The following MYCL variants were observed in gnomAD, a reference collection of about 807,000 sequenced individuals.
MYCL encodes the protein protein L-Myc.
MYCL carries 11 observed loss-of-function variants against 31.0 expected under a neutral mutation model. That is an observed-to-expected ratio of 0.35 (90% CI 0.22 to 0.59). MYCL has a LOEUF of 0.59. Ranked by LOEUF, MYCL falls within the 20% of genes least tolerant of loss-of-function variation. MYCL has a pLI of 0.79. For missense variants in MYCL, 427 were observed against 486.1 expected, an observed-to-expected ratio of 0.88 and a Z score of 1.14; for synonymous variants, 208 against 202.4, an observed-to-expected ratio of 1.03 and a Z score of -0.23.
Position 39,897,235 on chromosome 1 carries a change from C to A in MYCL, c.*137G>T. On this transcript the variant is annotated 3_prime_UTR_variant, in exon 2 of 2. Transcript: ENST00000372816. This position sits in a 1 kb window ranked among gnomAD's most constrained non-coding sequence, Gnocchi z 4.3. ...ATGCAAGCCTTTATTGTGTGTGCAC[C>A]GGCTGCAATGCATTCTGGGATCTAC... 1.3e-6 allele frequency: 1 copy of A among 767,688 alleles called. No individual in the cohort carries two copies. The highest frequency in any genetic ancestry group is 2.1e-6 in the Non-Finnish European group (1 of 466,196). The allele number at this position is 767,688 out of a possible 1,614,324, so 47.6% of individuals were successfully genotyped here. A position where few individuals can be genotyped will look rare whatever the true frequency, so the allele number is the denominator to read the frequency against.
At position 39,897,900 on chromosome 1, in the gene MYCL, G is replaced by C; in HGVS notation, c.567C>G (p.Ile189Met). ...GATCCAGGGGGTCTGCTCGCACCGT[G>C]ATGGTGACCGGCTTCCGAATACCCA... is the stretch of plus-strand genomic sequence containing the variant. ...QSLGIRKPVTITVRADPLDPC... is the reference protein window; with the variant it reads ...QSLGIRKPVTMTVRADPLDPC... The change falls in exon 2 of 2, where the codon ATC becomes ATG. Residue 189 changes from isoleucine (I) to methionine (M), a missense_variant. Physicochemically the swap from Ile to Met is conservative, Grantham distance 10 (BLOSUM62 1). Transcript: ENST00000372816. This position sits in a 1 kb window ranked among gnomAD's most constrained non-coding sequence, Gnocchi z 4.3. 1.2e-6 allele frequency: 2 copies of C among 1,614,170 alleles called. No homozygotes were observed. The highest frequency in any genetic ancestry group is 1.7e-6 in the Non-Finnish European group (2 of 1,180,046).
rs1320227002 is a variant in MYCL at position 39,900,361 on chromosome 1, C to T, written c.496+578G>A. ...GTCTATCTCTAAGCCTCAGTTTTTC[C>T]ATCTGTTAATGGGGAGTGTTCATTC... On this transcript the variant is annotated intron_variant, in intron 1 of 1. Coordinates refer to ENST00000372816, the MANE Select transcript of MYCL (RefSeq NM_001033081.3). 4 of 985,822 alleles carry T rather than the reference C, an allele frequency of 4.1e-6. No homozygotes were observed. The African/African-American group carries it at 7.0e-5, about 17-fold the overall frequency. The allele number at this position is 985,822 out of a possible 1,614,324, so 61.1% of individuals were successfully genotyped here.
intron 1 of MYCL, chr1:39,900,626 C>A (rs1034414514): frequency 7.9e-7 from 1 of 1,267,782 alleles, no homozygotes. Context: ...CTTAAGGTAC[C>A]CCCTTCAATC....
Position 39,901,844 on chromosome 1 carries a change from TC to T in MYCL, c.-411del. 2.4e-6 allele frequency: 3 copies of T among 1,257,668 alleles called. No individual in the cohort carries two copies. The highest frequency in any genetic ancestry group is 1.6e-5 in the African/African-American group (1 of 62,456). The allele number at this position is 1,257,668 out of a possible 1,614,324, so 77.9% of individuals were successfully genotyped here. A position where few individuals can be genotyped will look rare whatever the true frequency, so the allele number is the denominator to read the frequency against. ...CGCCCGCCACCTGGAGCGGACCGGCTCCCCGCCGGCTCGGGGCAGCCCGGCA... is the reference window on the plus strand; with the variant it reads ...CGCCCGCCACCTGGAGCGGACCGGCTCCCGCCGGCTCGGGGCAGCCCGGCA... On this transcript the variant is annotated 5_prime_UTR_variant, in exon 1 of 2. It introduces an in-frame stop codon into an upstream open reading frame of the 5' UTR. Transcript: ENST00000372816. This position sits in a 1 kb window ranked among gnomAD's most constrained non-coding sequence, Gnocchi z 6.9.
chr1:39,901,193 C>A lies in MYCL; in HGVS notation c.242G>T (p.Gly81Val), dbSNP rs1644534904. ...DEAESRGHSK[G>V]WGRNYASIIR... is the part of the protein sequence containing the mutation. ...GATGGAGGCGTAGTTCCTGCCCCAG[C>A]CTTTCGAGTGGCCCCGGGATTCCGC... Residue 81 changes from glycine (G) to valine (V), a missense_variant, in exon 1 of 2, where the codon GGC becomes GTC. Transcript: ENST00000372816. This position sits in a 1 kb window ranked among gnomAD's most constrained non-coding sequence, Gnocchi z 6.9. 1 of 1,613,148 alleles carries A rather than the reference C, an allele frequency of 6.2e-7. No homozygotes were observed. The highest frequency in any genetic ancestry group is 2.2e-5 in the East Asian group (1 of 44,850).
In MYCL at chr1:39,897,680, C is replaced by G. The variant is rs1295697459; in HGVS notation, c.787G>C (p.Glu263Gln). ...EIVSPPPVESEAAQSCHPKPV... is the reference protein window; with the variant it reads ...EIVSPPPVESQAAQSCHPKPV... ...TTGGGGTGGCAGGACTGGGCAGCCT[C>G]ACTTTCTACAGGTGGGGGACTCACA... Residue 263 changes from glutamate to glutamine, a missense_variant, in exon 2 of 2, where the codon GAG becomes CAG. Physicochemically the swap from Glu to Gln is conservative, Grantham distance 29 (BLOSUM62 2). Coordinates refer to ENST00000372816, the MANE Select transcript of MYCL (RefSeq NM_001033081.3). The surrounding 1 kb of genome is among the most constrained non-coding windows in gnomAD (Gnocchi z 4.3). 1.2e-6 allele frequency: 2 copies of G among 1,614,104 alleles called. No individual in the cohort carries two copies. The highest frequency in any genetic ancestry group is 1.7e-6 in the Non-Finnish European group (2 of 1,180,052).
In MYCL at chr1:39,897,168, G is replaced by T. The variant is rs1644490220; in HGVS notation, c.*204C>A. ...GCCAGAGAACATACAGCACTCCCAT[G>T]AGTCAGGGAAGAGGGAGAGCTGGGT... On this transcript the variant is annotated 3_prime_UTR_variant, in exon 2 of 2. Transcript: ENST00000372816. The surrounding 1 kb of genome is among the most constrained non-coding windows in gnomAD (Gnocchi z 4.3). The T allele has an allele frequency of 3.2e-6, 2 of 615,682 alleles. No homozygotes were observed. Among genetic ancestry groups the T allele is most frequent in the Admixed American group, 5.6e-5 (2 of 35,962 alleles). 38.1% of individuals were successfully genotyped at this position (615,682 alleles called of 1,614,324 possible).
At chr1:39,899,749 T>C (rs1430193157) in intron 1 of MYCL, 1 of 984,926 alleles carries the variant, frequency 1.0e-6, no homozygotes, top group African/African-American at 1.8e-5. Context: ...AAAAGACTTT[T>C]AATTTTTGTT....
At position 39,896,062 on chromosome 1, in the gene MYCL, T is replaced by C. The variant is rs1387544041; in HGVS notation, c.*1310A>G. On this transcript the variant is annotated 3_prime_UTR_variant, in exon 2 of 2. Transcript: ENST00000372816. ...TGACAACTGCTAGGTTGGGTGACTT[T>C]CCCAGACTAGAAGCTGCACGTGGAT... 2 of 210,678 alleles carry C rather than the reference T, an allele frequency of 9.5e-6. No homozygotes were observed. The highest frequency in any genetic ancestry group is 4.5e-5 in the African/African-American group (2 of 44,020). 13.1% of individuals were successfully genotyped at this position (210,678 alleles called of 1,614,324 possible).
Position 39,897,587 on chromosome 1 carries a change from G to A in MYCL, c.880C>T (p.Arg294Trp), listed in dbSNP as rs776683206. Reference sequence around the variant, plus strand: ...AAGAATCGCGAACGCAGGTCATTCCGCCTCTTGCGCTCCAGGAAGTTGTGA... The same window carrying A: ...AAGAATCGCGAACGCAGGTCATTCCACCTCTTGCGCTCCAGGAAGTTGTGA... ...KNHNFLERKRRNDLRSRFLAL... is the reference protein window; with the variant it reads ...KNHNFLERKRWNDLRSRFLAL... The change falls in exon 2 of 2, where the codon CGG becomes TGG. Residue 294 changes from arginine to tryptophan, a missense_variant. Coordinates refer to ENST00000372816, the MANE Select transcript of MYCL (RefSeq NM_001033081.3). This position sits in a 1 kb window ranked among gnomAD's most constrained non-coding sequence, Gnocchi z 4.3. 1.2e-6 allele frequency: 2 copies of A among 1,614,198 alleles called. No homozygotes were observed. Among genetic ancestry groups the A allele is most frequent in the Non-Finnish European group, 1.7e-6 (2 of 1,180,052 alleles).
chr1:39,898,138 G>A (rs2124716452), intron 1 of MYCL, 168 bp from the exon 2 acceptor site: 1 of 978,312 alleles, frequency 1.0e-6, no homozygotes, highest in Non-Finnish European at 1.5e-6. Context: ...TTGTAATGTG[G>A]TAAGGGCACA....
Position 39,897,971 on chromosome 1 carries a change from C to CCGAGTCGCT in MYCL, c.497-2_497-1insAGCGACTCG. ...GTCACAACATCAATTTCTTCATTCT[C>CCGAGTCGCT]TGTCCGAGAAAAGAGATCAAGAGAA... On this transcript the variant is annotated splice_acceptor_variant, in intron 1 of 1. Transcript: ENST00000372816. LOFTEE classifies it high-confidence loss of function. The surrounding 1 kb of genome is among the most constrained non-coding windows in gnomAD (Gnocchi z 4.3). 6.2e-7 allele frequency: 1 copy of CCGAGTCGCT among 1,610,986 alleles called. No homozygotes were observed. The highest frequency in any genetic ancestry group is 8.5e-7 in the Non-Finnish European group (1 of 1,178,060).
intron 1 of MYCL, 47 bp downstream of exon 1, chr1:39,900,892 C>T: frequency 6.6e-7 from 1 of 1,507,468 alleles, no homozygotes; most frequent in Non-Finnish European, 8.8e-7. Context: ...AGAGCTTTGG[C>T]CACCCATGGG....
Position 39,901,808 on chromosome 1 carries a change from C to A in MYCL, c.-374G>T. 7.8e-7 allele frequency: 1 copy of A among 1,277,762 alleles called. No homozygotes were observed. The highest frequency in any genetic ancestry group is 1.8e-5 in the South Asian group (1 of 55,786). 79.2% of individuals were successfully genotyped at this position (1,277,762 alleles called of 1,614,324 possible). Reference sequence around the variant, plus strand: ...GTGCCCTGGCCACCCGCAGCCTCACCTCGCTCCAGCCGCCCGCCACCTGGA... The same window carrying A: ...GTGCCCTGGCCACCCGCAGCCTCACATCGCTCCAGCCGCCCGCCACCTGGA... On this transcript the variant is annotated 5_prime_UTR_variant, in exon 1 of 2. It adds an upstream start codon to the 5' untranslated region. Transcript: ENST00000372816. The surrounding 1 kb of genome is among the most constrained non-coding windows in gnomAD (Gnocchi z 6.9).
At position 39,896,225 on chromosome 1, in the gene MYCL, A is replaced by G. The variant is rs1426613690; in HGVS notation, c.*1147T>C. On this transcript the variant is annotated 3_prime_UTR_variant, in exon 2 of 2. Coordinates refer to ENST00000372816, the MANE Select transcript of MYCL (RefSeq NM_001033081.3). ...TGGATGAGTCCCAACAGCTCTCCCCAAAACTTCAGAAACGCCCAGATTCTG... is the reference window on the plus strand; with the variant it reads ...TGGATGAGTCCCAACAGCTCTCCCCGAAACTTCAGAAACGCCCAGATTCTG... 1.5e-5 allele frequency: 3 copies of G among 201,178 alleles called. No homozygotes were observed. The highest frequency in any genetic ancestry group is 4.6e-5 in the African/African-American group (2 of 43,552). The allele number at this position is 201,178 out of a possible 1,614,324, so 12.5% of individuals were successfully genotyped here. A position where few individuals can be genotyped will look rare whatever the true frequency, so the allele number is the denominator to read the frequency against.
chr1:39,901,111 A>C lies in MYCL; in HGVS notation c.324T>G (p.Ala108=). 1 of 1,598,040 alleles carries C rather than the reference A, an allele frequency of 6.3e-7. No homozygotes were observed. The highest frequency in any genetic ancestry group is 1.1e-5 in the South Asian group (1 of 88,998). Residue 108 remains alanine (A), a synonymous_variant, in exon 1 of 2, where the codon GCT becomes GCG. Coordinates refer to ENST00000372816, the MANE Select transcript of MYCL (RefSeq NM_001033081.3). The surrounding 1 kb of genome is among the most constrained non-coding windows in gnomAD (Gnocchi z 6.9). ...CGCCAGGAGCGAGCCGGTCGCTCAC[A>C]GCTCTCTCCAGCCGTTCCCGGGCCG... The part of the protein sequence containing the change: ...GFSARERLER[A]VSDRLAPGAP...
In MYCL at chr1:39,901,018, G is replaced by A. The variant is rs2124719721; in HGVS notation, c.417C>T (p.Asn139=). The A allele has an allele frequency of 6.7e-7, 1 of 1,496,442 alleles. No individual in the cohort carries two copies. Among genetic ancestry groups the A allele is most frequent in the Admixed American group, 2.5e-5 (1 of 40,676 alleles). The allele number at this position is 1,496,442 out of a possible 1,614,324, so 92.7% of individuals were successfully genotyped here. The change falls in exon 1 of 2, where the codon AAC becomes AAT. Residue 139 remains asparagine (N), a synonymous_variant. Coordinates refer to ENST00000372816, the MANE Select transcript of MYCL (RefSeq NM_001033081.3). The surrounding 1 kb of genome is among the most constrained non-coding windows in gnomAD (Gnocchi z 6.9). ...GCGGACAGGGGGCGGCGGGCGCCGG[G>A]TTGCCGGCTTCGAGGCTGGGAGTGC... is the stretch of plus-strand genomic sequence containing the variant. ...PDCTPSLEAG[N]PAPAAPCPLG...
intron 1 of MYCL, chr1:39,898,730 A>G: frequency 1.0e-6 from 1 of 985,514 alleles, no homozygotes; most frequent in Non-Finnish European, 1.2e-6. Flanking sequence ...ACAAGCGACC[A>G]TTTCCAAACT....
rs1439755073 is a variant in MYCL, at chr1:39,901,905, G to A, written c.-471C>T. On this transcript the variant is annotated 5_prime_UTR_variant, in exon 1 of 2. Coordinates refer to ENST00000372816, the MANE Select transcript of MYCL (RefSeq NM_001033081.3). This position sits in a 1 kb window ranked among gnomAD's most constrained non-coding sequence, Gnocchi z 6.9. ...CACGCACATGCGCGCCGCCGAGAGC[G>A]CGGCCCGCACTCACAAGCGCGCCCC... is the stretch of plus-strand genomic sequence containing the variant. 1.6e-5 allele frequency: 18 copies of A among 1,144,334 alleles called. No homozygotes were observed. In the African/African-American group the frequency reaches 2.0e-4, roughly 13 times the overall value. 70.9% of individuals were successfully genotyped at this position (1,144,334 alleles called of 1,614,324 possible). A position where few individuals can be genotyped will look rare whatever the true frequency, so the allele number is the denominator to read the frequency against.
Sources: allele counts gnomAD v4.1 joint callset, GRCh38; gene constraint gnomAD v4.1.1; non-coding constraint Gnocchi (gnomAD v3.1); transcripts MANE v1.5; gene names NCBI Gene and HGNC (gene_info 2026-07-23, HGNC 2026-07-21).